Variants in STAG3 observed in about 807,000 individuals in gnomAD.
The protein encoded by STAG3 is cohesin subunit SA-3.
In STAG3, 101 loss-of-function variants were observed where a neutral mutation model predicts 160.7. The ratio of observed to expected loss-of-function variants is 0.63; its 90% CI spans 0.54 to 0.74. STAG3 has a LOEUF of 0.74. STAG3 is among the 30% of genes least tolerant of loss of function. STAG3 has a pLI of 0.00. For missense variants in STAG3, 1,188 were observed against 1,517.4 expected (o/e 0.78, Z 3.61); for synonymous variants, 519 against 585.0 (o/e 0.89, Z 1.63).
At chr7:100,198,784 T>C in intron 13 of STAG3, 59 bp from the exon 14 acceptor site, 1 of 1,482,060 alleles carries the variant, frequency 6.7e-7, no homozygotes, top group African/African-American at 1.4e-5. Flanking sequence ...CCCTCTGTGG[T>C]CGTTACACCT....
In STAG3 at chr7:100,214,147, G is replaced by A. The variant is rs1802558968; in HGVS notation, c.*132G>A. On this transcript the variant is annotated 3_prime_UTR_variant, in exon 34 of 34. Coordinates refer to ENST00000615138, the MANE Select transcript of STAG3 (RefSeq NM_001282717.2). ...CCCTGGGCTCTGAGGGGAAAGAGTT[G>A]GGCATTGTTTTTCTAACCTAACCTT... 1.1e-5 allele frequency: 15 copies of A among 1,330,564 alleles called. No homozygotes were observed. The highest frequency in any genetic ancestry group is 1.6e-5 in the Non-Finnish European group (15 of 948,908). The allele number at this position is 1,330,564 out of a possible 1,614,324, so 82.4% of individuals were successfully genotyped here.
In STAG3 at chr7:100,207,437, A is replaced by C. The variant is rs1801757329; in HGVS notation, c.3238+2053A>C. ...TAGTAGCTGTGAGGTGTGGTATCTC[A>C]TTGTGGTTTAAATTTGCATTTCCCT... On this transcript the variant is annotated intron_variant, in intron 29 of 33. Transcript: ENST00000615138. The surrounding 1 kb of genome is among the most constrained non-coding windows in gnomAD (Gnocchi z 4.0). Among the ~76,000 whole-genome samples, 1 of 152,030 alleles carries C rather than the reference A, an allele frequency of 6.6e-6. No homozygotes were observed.
rs768568468 is a variant in STAG3 at position 100,189,553 on chromosome 7, G to A, written c.824G>A (p.Arg275Lys). 17 of 1,614,158 alleles carry A rather than the reference G, an allele frequency of 1.1e-5. No homozygotes were observed. In the East Asian group the frequency reaches 3.6e-4, roughly 34 times the overall value. ...GAAAGAAACAAGGGGCCAGGGCAGA[G>A]GGCACCTGAGCGGCTGGAGAGCCTG... ...EAERNKGPGQ[R>K]APERLESLLE... is the part of the protein sequence containing the mutation. Residue 275 changes from arginine (R) to lysine (K), a missense_variant, in exon 8 of 34, where the codon AGG (arginine) becomes AAG (lysine). Coordinates refer to ENST00000615138, the MANE Select transcript of STAG3 (RefSeq NM_001282717.2).
chr7:100,200,301 C>A lies in STAG3; in HGVS notation c.1743C>A (p.Ile581=). ...GGGTGAAGTTGACTGAGCACCTCAT[C>A]CCCCTGCTGCCCCAGCTCCTGGCCA... ...DDRVKLTEHL[I]PLLPQLLAKF... Residue 581 remains isoleucine (I), a synonymous_variant, in exon 17 of 34, where the codon ATC becomes ATA. Transcript: ENST00000615138. 6.2e-7 allele frequency: 1 copy of A among 1,613,784 alleles called. No individual in the cohort carries two copies. The highest frequency in any genetic ancestry group is 8.5e-7 in the Non-Finnish European group (1 of 1,179,918).
chr7:100,199,437 C>T, intron 15 of STAG3, 70 bp downstream of exon 15: 2 of 1,561,988 alleles, frequency 1.3e-6, no homozygotes, highest in Middle Eastern at 1.8e-4. Context: ...GGATTGCTTG[C>T]TTCACTTGTA....
At position 100,198,566 on chromosome 7, in the gene STAG3, G is replaced by T. The variant is rs756390673; in HGVS notation, c.1336G>T (p.Glu446Ter). ...SHRGLASAAG[E>*]FLYWKLFYPE... ...TCGAGGCCTGGCCTCTGCCGCAGGC[G>T]AATTTCTGTACTGGAAGTGAGTGGG... The change falls in exon 13 of 34, where the codon GAA becomes TAA. Residue 446 changes from glutamate (E) to a stop codon, truncating the protein, a stop_gained. Transcript: ENST00000615138. LOFTEE classifies it high-confidence loss of function. The T allele has an allele frequency of 6.8e-6, 11 of 1,613,756 alleles. No individual in the cohort carries two copies. Among genetic ancestry groups the T allele is most frequent in the Non-Finnish European group, 9.3e-6 (11 of 1,180,024 alleles).
intron 21 of STAG3, 31 bp downstream of exon 21, chr7:100,201,382 G>A (rs1467940967): frequency 1.9e-6 from 3 of 1,599,080 alleles, no homozygotes; most frequent in Middle Eastern, 1.7e-4. Context: ...TGGGTTGGGG[G>A]CTGGGGGGCT....
In STAG3 at chr7:100,180,496, G is replaced by A. The variant is rs1181624394; in HGVS notation, c.-61G>A. On this transcript the variant is annotated 5_prime_UTR_variant, in exon 2 of 34. Transcript: ENST00000615138. The stretch of plus-strand genomic sequence containing the variant: ...CTTTCTTCTCTTTCTTCCCCAGCTG[G>A]ATCGCCATACCTACCCTGTGGTCCT... The A allele has an allele frequency of 3.1e-5, 30 of 961,802 alleles. No individual in the cohort carries two copies. The highest frequency in any genetic ancestry group is 4.9e-5 in the Non-Finnish European group (29 of 588,040). The allele number at this position is 961,802 out of a possible 1,614,324, so 59.6% of individuals were successfully genotyped here. A position where few individuals can be genotyped will look rare whatever the true frequency, so the allele number is the denominator to read the frequency against.
chr7:100,200,048 A>G, intron 16 of STAG3, 188 bp from the exon 17 acceptor site: 1 of 536,160 alleles, frequency 1.9e-6, no homozygotes, highest in South Asian at 2.6e-5. Flanking sequence ...CCTGGGTGAC[A>G]GAGCGAGACT....
chr7:100,201,306 C>T lies in STAG3; in HGVS notation c.2175C>T (p.Cys725=), dbSNP rs1396532012. ...LTRWELYEPC[C]QLLQKAVDTG... ...GCTGGGAGCTCTATGAGCCATGTTGCCAACTCCTGCAGAAGGCTGTGGACA... is the reference window on the plus strand; with the variant it reads ...GCTGGGAGCTCTATGAGCCATGTTGTCAACTCCTGCAGAAGGCTGTGGACA... Residue 725 remains cysteine (C), a synonymous_variant, in exon 21 of 34, where the codon TGC becomes TGT. Transcript: ENST00000615138. The T allele has an allele frequency of 1.9e-6, 3 of 1,614,144 alleles. No individual in the cohort carries two copies. The highest frequency in any genetic ancestry group is 2.7e-5 in the African/African-American group (2 of 75,008).
Position 100,204,154 on chromosome 7 carries a change from C to T in STAG3, c.2802+32C>T, listed in dbSNP as rs757419075. On this transcript the variant is annotated intron_variant, in intron 26 of 33. Coordinates refer to ENST00000615138, the MANE Select transcript of STAG3 (RefSeq NM_001282717.2). Reference sequence around the variant, plus strand: ...CCTTCTGCCTTGAGGACATGCCAGCCCTGTTGTCCCCAAGTCTCTGTCTAC... The same window carrying T: ...CCTTCTGCCTTGAGGACATGCCAGCTCTGTTGTCCCCAAGTCTCTGTCTAC... The T allele has an allele frequency of 1.7e-5, 26 of 1,542,354 alleles. No homozygotes were observed. The Middle Eastern group carries it at 6.8e-4, about 40-fold the overall frequency.
chr7:100,208,531 T>C (rs1305104411), intron 29 of STAG3, among the ~76,000 whole-genome samples: 1 of 152,172 alleles, frequency 6.6e-6, no homozygotes, highest in Non-Finnish European at 1.5e-5. Flanking sequence ...ATAAGTAAGA[T>C]TTTTATAAGC....
intron 2 of STAG3, among the ~76,000 whole-genome samples, chr7:100,181,166 G>A (rs1799623702): frequency 6.6e-6 from 1 of 151,944 alleles, no homozygotes; most frequent in Non-Finnish European, 1.5e-5. Context: ...CTTCTACTTG[G>A]GGATTTTGTA....
chr7:100,217,089 C>T (rs1802823751), downstream of STAG3, among the ~76,000 whole-genome samples: 3 of 152,340 alleles, frequency 2.0e-5, no homozygotes, highest in Admixed American at 2.0e-4. Flanking sequence ...GATCGTATTC[C>T]AAGGGAATCA....
intron 29 of STAG3, among the ~76,000 whole-genome samples, chr7:100,206,566 C>T (rs757011817): frequency 2.0e-5 from 3 of 151,854 alleles, no homozygotes; most frequent in Non-Finnish European, 4.4e-5. Context: ...CCGCCTCCCA[C>T]GTTCAAGTGG....
chr7:100,202,440 T>A lies in STAG3; in HGVS notation c.2564-14T>A, dbSNP rs1801227980. 2 of 1,611,948 alleles carry A rather than the reference T, an allele frequency of 1.2e-6. No homozygotes were observed. The highest frequency in any genetic ancestry group is 8.5e-7 in the Non-Finnish European group (1 of 1,178,304). ...TTAAGTCTGTGATTCCCTTTTGCCT[T>A]CCATGTGAGCCAGGTGATTCCCAGG... On this transcript the variant is annotated splice_polypyrimidine_tract_variant and intron_variant, in intron 24 of 33. Transcript: ENST00000615138.
At chr7:100,197,405 G>A (rs887655468) in intron 10 of STAG3, 126 bp downstream of exon 10, 130 of 1,338,886 alleles carry the variant, frequency 9.7e-5, no homozygotes, top group Non-Finnish European at 1.3e-4. Flanking sequence ...CCATCAAGGC[G>A]CTGAACCTTG....
At chr7:100,184,687 C>T (rs75236766) in intron 4 of STAG3, among the ~76,000 whole-genome samples, 25,321 of 151,858 alleles carry the variant, frequency 0.17, 2,705 homozygotes, top group Middle Eastern at 0.33. Context: ...GGGATGGTCT[C>T]GATCTTTTGA....
At position 100,205,058 on chromosome 7, in the gene STAG3, A is replaced by G. The variant is rs879914158; in HGVS notation, c.3005A>G (p.Gln1002Arg). Residue 1002 changes from glutamine to arginine, a missense_variant, in exon 28 of 34, where the codon CAG (glutamine) becomes CGG (arginine). By Grantham distance (43) the Gln-to-Arg change is conservative. Coordinates refer to ENST00000615138, the MANE Select transcript of STAG3 (RefSeq NM_001282717.2). ...SELPPAGSSN[Q>R]PPNLAFLELL... ...CTTCCTCCAGCTGGCTCCTCCAATC[A>G]GCCTCCAAATCTGGCATTCCTGGAG... 1 of 1,614,152 alleles carries G rather than the reference A, an allele frequency of 6.2e-7. No individual in the cohort carries two copies. The highest frequency in any genetic ancestry group is 8.5e-7 in the Non-Finnish European group (1 of 1,180,018).
Sources: allele counts gnomAD v4.1 joint callset (sites outside exome capture counted in the v4.1 genomes callset), GRCh38; gene constraint gnomAD v4.1.1; non-coding constraint Gnocchi (gnomAD v3.1); transcripts MANE v1.5; gene names NCBI Gene and HGNC (gene_info 2026-07-23, HGNC 2026-07-21).